FGL1: variants seen among roughly 807,000 people sequenced by gnomAD.
FGL1 encodes the protein fibrinogen-like protein 1.
A neutral mutation model predicts 43.7 loss-of-function variants in FGL1; 59 were observed. The ratio of observed to expected loss-of-function variants is 1.35; its 90% CI spans 1.10 to 1.68. FGL1 has a LOEUF of 1.68. Ranked by LOEUF, FGL1 falls within the 40% of genes most tolerant of loss-of-function variation. FGL1 has a pLI of 0.00. For synonymous variants in FGL1, 192 were observed against 126.5 expected, an observed-to-expected ratio of 1.52 and a Z score of -3.48; for missense variants, 596 against 373.0, an observed-to-expected ratio of 1.60 and a Z score of -4.92.
intron 3 of FGL1, among the ~76,000 whole-genome samples, chr8:17,876,504 G>A (rs886840674): frequency 1.6e-4 from 25 of 152,208 alleles, no homozygotes; most frequent in African/African-American, 5.3e-4. Flanking sequence ...AAGCACATGC[G>A]TTCATATACA....
At chr8:17,864,806 T>A (rs2053245754) in intron 7 of FGL1, 55 bp from the exon 8 acceptor site, 1 of 1,331,124 alleles carries the variant, frequency 7.5e-7, no homozygotes, top group Non-Finnish European at 9.7e-7. Context: ...AAAATATTGT[T>A]CAGAATCCCT....
chr8:17,895,350 A>T (rs935965503), intron 1 of FGL1, 97 bp downstream of exon 1: 1 of 1,202,066 alleles, frequency 8.3e-7, no homozygotes, highest in African/African-American at 1.6e-5. Flanking sequence ...TGCAAAAGCT[A>T]ATGGTTGTTA....
At chr8:17,880,058 G>C (rs765611578) in intron 3 of FGL1, among the ~76,000 whole-genome samples, 6 of 152,124 alleles carry the variant, frequency 3.9e-5, no homozygotes, top group Non-Finnish European at 7.4e-5. Flanking sequence ...TTAAACGATA[G>C]TCCGTTTGCT....
intron 5 of FGL1, among the ~76,000 whole-genome samples, chr8:17,872,359 T>C (rs1051330241): frequency 2.8e-5 from 4 of 144,274 alleles, no homozygotes; most frequent in African/African-American, 1.1e-4. Context: ...CTGGAGTGGA[T>C]TGGCGCAATC....
chr8:17,870,901 T>A lies in FGL1; in HGVS notation c.503-1897A>T, dbSNP rs1294073294. Among the ~76,000 whole-genome samples, 4 of 149,742 alleles carry A rather than the reference T, an allele frequency of 2.7e-5. No individual in the cohort carries two copies. The East Asian group carries it at 5.9e-4, about 22-fold the overall frequency. Reference sequence around the variant, plus strand: ...AGCCTGGCTACAGAGTGAGACTCTGTCTCAAAAAAAAAAAGCCATTTTTTA... The same window carrying A: ...AGCCTGGCTACAGAGTGAGACTCTGACTCAAAAAAAAAAAGCCATTTTTTA... On this transcript the variant is annotated intron_variant, in intron 5 of 7. Transcript: ENST00000427924.
At chr8:17,871,527 A>G (rs545681023) in intron 5 of FGL1, among the ~76,000 whole-genome samples, 1 of 151,994 alleles carries the variant, frequency 6.6e-6, no homozygotes, top group Non-Finnish European at 1.5e-5. Context: ...TTCTATTATA[A>G]CAGAGACATA....
intron 1 of FGL1, among the ~76,000 whole-genome samples, chr8:17,892,230 T>C (rs378468): frequency 0.13 from 19,197 of 152,060 alleles, 2,802 homozygotes; most frequent in African/African-American, 0.36. Flanking sequence ...TTCTTAAACA[T>C]AAACAATTGC....
At chr8:17,888,971 A>G (rs1018922336) in intron 1 of FGL1, among the ~76,000 whole-genome samples, 2 of 152,200 alleles carry the variant, frequency 1.3e-5, no homozygotes, top group African/African-American at 4.8e-5. Flanking sequence ...CAATAAGAGA[A>G]TAATATTTTA....
chr8:17,887,575 C>T (rs1032955514), intron 1 of FGL1, among the ~76,000 whole-genome samples: 1 of 152,156 alleles, frequency 6.6e-6, no homozygotes, highest in African/African-American at 2.4e-5. Flanking sequence ...ATGGGCCGGG[C>T]GTGTTGGCTC....
chr8:17,876,727 C>G (rs2053462670), intron 3 of FGL1, among the ~76,000 whole-genome samples: 1 of 152,146 alleles, frequency 6.6e-6, no homozygotes, highest in Non-Finnish European at 1.5e-5. Context: ...GAGCTGAATA[C>G]TAAAGACTCA....
chr8:17,875,225 A>C (rs2053427185), intron 3 of FGL1, among the ~76,000 whole-genome samples: 1 of 152,208 alleles, frequency 6.6e-6, no homozygotes, highest in Non-Finnish European at 1.5e-5. Flanking sequence ...CACAACATGC[A>C]GGTTTGTTAC....
intron 3 of FGL1, among the ~76,000 whole-genome samples, chr8:17,880,281 G>A (rs2053515331): frequency 6.6e-6 from 1 of 152,180 alleles, no homozygotes; most frequent in Non-Finnish European, 1.5e-5. Flanking sequence ...GGGAGATAAG[G>A]ATCTTGGTAG....
chr8:17,880,569 T>C (rs1283057548), intron 3 of FGL1, among the ~76,000 whole-genome samples: 1 of 152,156 alleles, frequency 6.6e-6, no homozygotes, highest in African/African-American at 2.4e-5. Flanking sequence ...AATATGAGGA[T>C]CTACTATGTT....
At position 17,885,515 on chromosome 8, in the gene FGL1, G is replaced by A. The variant is rs1318261086; in HGVS notation, c.40C>T (p.Leu14=). ...ACCGAAATTTCCCTGCCCATTGTCAGAGCGGTGGTAACAAGGATGAAACTG... is the reference window on the plus strand; with the variant it reads ...ACCGAAATTTCCCTGCCCATTGTCAAAGCGGTGGTAACAAGGATGAAACTG... ...VFSFILVTTA[L]TMGREISALE... is the part of the protein sequence containing the mutation. The change falls in exon 2 of 8, where the codon CTG becomes TTG. Residue 14 remains leucine, a synonymous_variant. Coordinates refer to ENST00000427924, the MANE Select transcript of FGL1 (RefSeq NM_004467.4). The A allele has an allele frequency of 6.2e-7, 1 of 1,613,656 alleles. No individual in the cohort carries two copies. Among genetic ancestry groups the A allele is most frequent in the Non-Finnish European group, 8.5e-7 (1 of 1,179,670 alleles).
chr8:17,865,095 G>A (rs2053251127), intron 7 of FGL1, among the ~76,000 whole-genome samples: 1 of 151,666 alleles, frequency 6.6e-6, no homozygotes. Flanking sequence ...CTCAGAGATG[G>A]GTATTTTAAA....
chr8:17,870,931 C>G (rs374530776), intron 5 of FGL1, among the ~76,000 whole-genome samples: 1 of 143,530 alleles, frequency 7.0e-6, no homozygotes, highest in South Asian at 2.2e-4. Flanking sequence ...TTTTTAGCCT[C>G]CCCTCAAGCT....
chr8:17,866,658 A>G (rs1227666040), intron 7 of FGL1, among the ~76,000 whole-genome samples: 1 of 152,206 alleles, frequency 6.6e-6, no homozygotes, highest in Admixed American at 6.5e-5. Flanking sequence ...CCATTTCTTT[A>G]AAGTCAGGTA....
In FGL1 at chr8:17,895,499, G is replaced by A. The variant is rs978560400; in HGVS notation, c.-70C>T. 5 of 1,286,272 alleles carry A rather than the reference G, an allele frequency of 3.9e-6. No individual in the cohort carries two copies. In the African/African-American group the frequency reaches 7.6e-5, roughly 20 times the overall value. The allele number at this position is 1,286,272 out of a possible 1,614,324, so 79.7% of individuals were successfully genotyped here. ...AGCTCAGGTTCCATCCAGACACTCT[G>A]CTTCCCAGGATCCTGTAACTGCATT... On this transcript the variant is annotated 5_prime_UTR_variant, in exon 1 of 8. An upstream open reading frame in the 5' UTR gains an earlier in-frame stop. Transcript: ENST00000427924.
chr8:17,873,153 G>C (rs2053390696), intron 5 of FGL1, among the ~76,000 whole-genome samples: 1 of 152,016 alleles, frequency 6.6e-6, no homozygotes, highest in Non-Finnish European at 1.5e-5. Context: ...TGTCTTCATA[G>C]CTCCTCCTAT....
Sources: gnomAD v4.1 joint callset for allele counts (sites outside exome capture counted in the v4.1 genomes callset) on GRCh38, gnomAD v4.1.1 for gene constraint, MANE v1.5 for transcripts, NCBI Gene and HGNC (gene_info 2026-07-23, HGNC 2026-07-21) for gene names.